GNB5: variants seen among roughly 807,000 people sequenced by gnomAD.
The protein encoded by GNB5 is guanine nucleotide-binding protein subunit beta-5.
Under a neutral mutation model 55.3 loss-of-function variants are expected in GNB5, and 37 were observed. The ratio of observed to expected loss-of-function variants is 0.67; its 90% confidence interval spans 0.51 to 0.88. The LOEUF is 0.88. Ranked by LOEUF, GNB5 falls within the 40% of genes least tolerant of loss-of-function variation. GNB5 has a pLI of 0.00. For missense variants in GNB5, 476 were observed against 515.3 expected (o/e 0.92, Z 0.74); for synonymous variants, 219 against 198.5 (o/e 1.10, Z -0.87).
At chr15:52,141,485 C>G (rs964805738) in intron 6 of GNB5, among the ~76,000 whole-genome samples, 11 of 148,214 alleles carry the variant, frequency 7.4e-5, no homozygotes, top group Non-Finnish European at 1.5e-4. Context: ...CCAGGTTGGT[C>G]TTGAACTCTT....
At chr15:52,174,002 A>G (rs1426005752) in intron 3 of GNB5, among the ~76,000 whole-genome samples, 1 of 152,196 alleles carries the variant, frequency 6.6e-6, no homozygotes, top group Non-Finnish European at 1.5e-5. Flanking sequence ...TAAGTTAAGG[A>G]TCTTGAGATG....
intron 6 of GNB5, among the ~76,000 whole-genome samples, chr15:52,143,247 C>CTATGTA (rs2033898530): frequency 2.6e-5 from 4 of 152,002 alleles, no homozygotes; most frequent in Non-Finnish European, 5.9e-5. Context: ...GACTATGGTC[C>CTATGTA]TCCCTGACCC....
At chr15:52,142,131 C>T (rs1236929786) in intron 6 of GNB5, among the ~76,000 whole-genome samples, 2 of 152,150 alleles carry the variant, frequency 1.3e-5, no homozygotes, top group African/African-American at 2.4e-5. Flanking sequence ...TTTCTTATTG[C>T]TTCATGTCAC....
At chr15:52,173,236 G>A (rs188505966) in intron 3 of GNB5, among the ~76,000 whole-genome samples, 2 of 152,312 alleles carry the variant, frequency 1.3e-5, no homozygotes, top group East Asian at 3.9e-4. Context: ...ATTGTAGGAA[G>A]TTGGGACAGA....
chr15:52,157,615 A>T (rs1389397293), intron 3 of GNB5, among the ~76,000 whole-genome samples: 3 of 152,080 alleles, frequency 2.0e-5, no homozygotes, highest in Non-Finnish European at 4.4e-5. Context: ...TTTACTTAGA[A>T]ATTTTACATC....
intron 9 of GNB5, among the ~76,000 whole-genome samples, chr15:52,128,954 CTTTTT>C (rs536792407): frequency 2.4e-5 from 3 of 127,052 alleles, no homozygotes; most frequent in Admixed American, 8.0e-5. Context: ...ATTGTTTCTC[CTTTTT>C]TTTTTTTTTT....
intron 7 of GNB5, chr15:52,137,793 A>G: frequency 8.0e-7 from 1 of 1,252,580 alleles, no homozygotes; most frequent in South Asian, 1.3e-5. Context: ...CCAGCTGGGT[A>G]CTGACAGCAA....
intron 7 of GNB5, chr15:52,139,789 T>C (rs1385171283): frequency 8.1e-7 from 1 of 1,232,918 alleles, no homozygotes; most frequent in Non-Finnish European, 1.0e-6. Context: ...AAGCTGCTTG[T>C]TGGAAAAGAA....
chr15:52,133,520 G>A, intron 8 of GNB5, 51 bp from the exon 9 acceptor site: 1 of 1,134,126 alleles, frequency 8.8e-7, no homozygotes, highest in Middle Eastern at 2.0e-4. Flanking sequence ...AATGTCTATA[G>A]ACAAGGCACG....
Position 52,117,102 on chromosome 15 carries a change from A to ATATATATTTTTT in GNB5, c.*5654_*5655insAAAAAATATATA. ...CCACGCCCAGCTAATATATATATATATTTTTTTTTAGTACAGACAGGGTTT... is the reference window on the plus strand; with the variant it reads ...CCACGCCCAGCTAATATATATATATATATATATTTTTTTTTTTTTTTAGTACAGACAGGGTTT... On this transcript the variant is annotated 3_prime_UTR_variant, in exon 13 of 13. Transcript: ENST00000261837. The ATATATATTTTTT allele has an allele frequency of 4.6e-5, 4 of 87,100 alleles. No individual in the cohort carries two copies. The highest frequency in any genetic ancestry group is 2.4e-4 in the African/African-American group (4 of 16,418). The allele number at this position is 87,100 out of a possible 1,614,324, so 5.4% of individuals were successfully genotyped here.
intron 3 of GNB5, among the ~76,000 whole-genome samples, chr15:52,158,253 C>A (rs2034257007): frequency 6.6e-6 from 1 of 152,152 alleles, no homozygotes; most frequent in South Asian, 2.1e-4. Flanking sequence ...TCGAGCAAAT[C>A]ATGTACTTTC....
intron 8 of GNB5, among the ~76,000 whole-genome samples, chr15:52,133,792 C>T (rs1011322354): frequency 6.6e-6 from 1 of 152,226 alleles, no homozygotes; most frequent in Non-Finnish European, 1.5e-5. Context: ...ATTTTTCCTT[C>T]TTTTCTCTCT....
Position 52,118,315 on chromosome 15 carries a change from CA to C in GNB5, c.*4441del, listed in dbSNP as rs2033183973. On this transcript the variant is annotated 3_prime_UTR_variant, in exon 13 of 13. Transcript: ENST00000261837. The stretch of plus-strand genomic sequence containing the variant: ...CCCCCGAGGGTCCCTGAGACCCTTT[CA>C]GGGGGTCCTCACGGTCAAAACTATT... 1 of 152,086 alleles carries C rather than the reference CA, an allele frequency of 6.6e-6. No individual in the cohort carries two copies. The highest frequency in any genetic ancestry group is 2.4e-5 in the African/African-American group (1 of 41,410). 9.4% of individuals were successfully genotyped at this position (152,086 alleles called of 1,614,324 possible). A position where few individuals can be genotyped will look rare whatever the true frequency, so the allele number is the denominator to read the frequency against.
intron 10 of GNB5, among the ~76,000 whole-genome samples, 186 bp downstream of exon 10, chr15:52,128,010 A>G (rs2033471295): frequency 6.6e-6 from 1 of 152,236 alleles, no homozygotes; most frequent in African/African-American, 2.4e-5. Context: ...AGAAAAAAAG[A>G]CAGAAAGGAA....
At chr15:52,157,398 A>C (rs1338449144) in intron 3 of GNB5, among the ~76,000 whole-genome samples, 1 of 151,528 alleles carries the variant, frequency 6.6e-6, no homozygotes, top group Non-Finnish European at 1.5e-5. Context: ...AGGCATGTAC[A>C]ACCATGCCCA....
rs754137505 is a variant in GNB5, at chr15:52,133,389, GATGTCAGATTC to G, written c.841_851del (p.Glu281GlnfsTer18). On this transcript the variant is annotated frameshift_variant, in exon 9 of 13. Transcript: ENST00000261837. LOFTEE classifies it high-confidence loss of function. ...TTCTACTCACTGACCGGACACTGTT[GATGTCAGATTC>G]ATGTGTTTCAAAGGCCTGCACGCAC... 25 of 1,600,288 alleles carry G rather than the reference GATGTCAGATTC, an allele frequency of 1.6e-5. No homozygotes were observed. Among genetic ancestry groups the G allele is most frequent in the Non-Finnish European group, 2.0e-5 (23 of 1,167,310 alleles).
At chr15:52,126,900 G>T (rs1050634821) in intron 10 of GNB5, among the ~76,000 whole-genome samples, 1 of 152,074 alleles carries the variant, frequency 6.6e-6, no homozygotes, top group Non-Finnish European at 1.5e-5. Flanking sequence ...GGGTTCAAAC[G>T]ATTCTCCTGC....
At chr15:52,190,739 C>T (rs918796614) in intron 1 of GNB5, among the ~76,000 whole-genome samples, 6 of 132,588 alleles carry the variant, frequency 4.5e-5, no homozygotes, top group Admixed American at 1.7e-4. Context: ...CAATTCTACT[C>T]GTGCATACAT....
At chr15:52,189,501 A>G (rs2034890148) in intron 1 of GNB5, among the ~76,000 whole-genome samples, 1 of 152,144 alleles carries the variant, frequency 6.6e-6, no homozygotes, top group South Asian at 2.1e-4. Context: ...AACTGCTTGA[A>G]CTTGGGGGAT....
Sources: gnomAD v4.1 joint callset for allele counts (sites outside exome capture counted in the v4.1 genomes callset) on GRCh38, gnomAD v4.1.1 for gene constraint, MANE v1.5 for transcripts, NCBI Gene and HGNC (gene_info 2026-07-23, HGNC 2026-07-21) for gene names.